Variants in PDE1B observed in about 807,000 individuals in gnomAD.
The protein encoded by PDE1B is dual specificity calcium/calmodulin-dependent 3',5'-cyclic nucleotide phosphodiesterase 1B.
In PDE1B, 13 loss-of-function variants were observed where a neutral mutation model predicts 66.7. The observed-to-expected ratio is 0.19, with a 90% CI of 0.13 to 0.31. PDE1B has a LOEUF of 0.31. PDE1B is among the 10% of genes least tolerant of loss of function. The pLI is 1.00. For synonymous variants in PDE1B, 230 were observed against 253.9 expected (o/e 0.91, Z 0.90); for missense variants, 485 against 682.3 (o/e 0.71, Z 3.22).
rs181035500 is a variant in PDE1B at position 54,564,526 on chromosome 12, C to T, written c.114-2448C>T. 4.3e-3 allele frequency among the ~76,000 whole-genome samples: 650 copies of T among 152,128 alleles called. 4 individuals carry two copies. Among genetic ancestry groups the T allele is most frequent in the African/African-American group, 0.014 (591 of 41,496 alleles). On this transcript the variant is annotated intron_variant, in intron 2 of 15. Coordinates refer to ENST00000243052, the MANE Select transcript of PDE1B (RefSeq NM_000924.4). ...GCACATGCCTGTAGTCCTAGCTACT[C>T]AGGAGGCTGAGGCAGGAGGACTGAT...
At chr12:54,553,278 A>C (rs1202867931) in intron 2 of PDE1B, among the ~76,000 whole-genome samples, 2 of 152,164 alleles carry the variant, frequency 1.3e-5, no homozygotes, top group African/African-American at 4.8e-5. Flanking sequence ...TTTTCCCAGG[A>C]TGGTACAAAC....
At chr12:54,563,276 C>T (rs981819001) in intron 2 of PDE1B, among the ~76,000 whole-genome samples, 1 of 152,172 alleles carries the variant, frequency 6.6e-6, no homozygotes, top group African/African-American at 2.4e-5. Flanking sequence ...TCCAGCCTCT[C>T]TCTAAGCTAA....
intron 2 of PDE1B, among the ~76,000 whole-genome samples, chr12:54,555,273 C>T (rs951403826): frequency 6.6e-6 from 1 of 152,182 alleles, no homozygotes; most frequent in Non-Finnish European, 1.5e-5. Flanking sequence ...TCCCTTCGGA[C>T]ATTTATCCCA....
At chr12:54,562,961 C>A (rs571050935) in intron 2 of PDE1B, among the ~76,000 whole-genome samples, 1 of 152,316 alleles carries the variant, frequency 6.6e-6, no homozygotes, top group Admixed American at 6.5e-5. Flanking sequence ...CGGAGGGAAA[C>A]CTGTGCTTGA....
At chr12:54,557,582 G>A (rs750662281) in intron 2 of PDE1B, among the ~76,000 whole-genome samples, 1 of 152,198 alleles carries the variant, frequency 6.6e-6, no homozygotes, top group Non-Finnish European at 1.5e-5. Context: ...TAAAATCGGG[G>A]CAGTGCTGGG....
At chr12:54,574,070 A>G (rs1330198360) in intron 10 of PDE1B, 1 of 240,212 alleles carries the variant, frequency 4.2e-6, no homozygotes, top group Non-Finnish European at 8.2e-6. Flanking sequence ...TACCTCTGAA[A>G]TGGTGAAAAT....
chr12:54,575,848 CT>C lies in PDE1B; in HGVS notation c.1268-143del. On this transcript the variant is annotated intron_variant, in intron 12 of 15. Transcript: ENST00000243052. The surrounding 1 kb of genome is among the most constrained non-coding windows in gnomAD (Gnocchi z 4.0). ...CCAAGACATCATCCCAAAGCCTGCC[CT>C]GCATTGGGAAGTTTTCAGCCCCAGG... 1.3e-6 allele frequency: 1 copy of C among 759,798 alleles called. No homozygotes were observed. 47.1% of individuals were successfully genotyped at this position (759,798 alleles called of 1,614,324 possible).
chr12:54,550,133 C>A, intron 2 of PDE1B, 148 bp downstream of exon 2: 1 of 1,444,312 alleles, frequency 6.9e-7, no homozygotes, highest in South Asian at 1.4e-5. Context: ...CCCTGACACG[C>A]GTGGCCAGGC....
chr12:54,561,761 CGTGTGTGTGT>C (rs3036634), intron 2 of PDE1B: 5 of 440,302 alleles, frequency 1.1e-5, no homozygotes, highest in Non-Finnish European at 2.0e-5. Flanking sequence ...ATGTTTTGTG[CGTGTGTGTGT>C]GTGTGTGTGT....
intron 2 of PDE1B, among the ~76,000 whole-genome samples, chr12:54,565,797 C>T (rs986327617): frequency 1.3e-5 from 2 of 152,154 alleles, no homozygotes; most frequent in Admixed American, 6.5e-5. Context: ...GCCGAGACCC[C>T]GGGATTCTAG....
intron 2 of PDE1B, among the ~76,000 whole-genome samples, chr12:54,551,183 C>T (rs984211952): frequency 1.3e-5 from 2 of 152,164 alleles, no homozygotes; most frequent in Admixed American, 1.3e-4. Context: ...TGGATAGATG[C>T]TTATGTTGTA....
At chr12:54,570,409 T>A (rs750662834) in intron 6 of PDE1B, 52 bp downstream of exon 6, 2 of 1,004,936 alleles carry the variant, frequency 2.0e-6, no homozygotes, top group African/African-American at 1.6e-5. Context: ...ACTCCTCTCA[T>A]GCCTGTTCTA....
At chr12:54,561,401 G>C (rs1235993448) in intron 2 of PDE1B, 49 of 1,223,400 alleles carry the variant, frequency 4.0e-5, no homozygotes, top group Non-Finnish European at 5.1e-5. Flanking sequence ...CTGGGTCTCT[G>C]CCTCCCCACT....
intron 2 of PDE1B, among the ~76,000 whole-genome samples, chr12:54,553,920 G>C (rs936667528): frequency 7.2e-5 from 11 of 152,296 alleles, no homozygotes; most frequent in African/African-American, 2.6e-4. Flanking sequence ...GGTAAAGGTT[G>C]ATATGTATGC....
Position 54,569,742 on chromosome 12 carries a change from A to G in PDE1B, c.477+130A>G. On this transcript the variant is annotated intron_variant, in intron 5 of 15. Coordinates refer to ENST00000243052, the MANE Select transcript of PDE1B (RefSeq NM_000924.4). The surrounding 1 kb of genome is among the most constrained non-coding windows in gnomAD (Gnocchi z 4.4). ...TTTGAAATGGAGTCTCGCTCTTGTC[A>G]CTCAGGCTGGAGTGCAGTGGCGTGA... 1.5e-6 allele frequency: 1 copy of G among 650,986 alleles called. No individual in the cohort carries two copies. Among genetic ancestry groups the G allele is most frequent in the Non-Finnish European group, 2.7e-6 (1 of 368,258 alleles). 40.3% of individuals were successfully genotyped at this position (650,986 alleles called of 1,614,324 possible).
chr12:54,568,886 G>A lies in PDE1B; in HGVS notation c.228-298G>A, dbSNP rs559280102. Among the ~76,000 whole-genome samples the A allele has an allele frequency of 2.0e-4, 30 of 152,164 alleles. No individual in the cohort carries two copies. The South Asian group carries it at 3.7e-3, about 19-fold the overall frequency. On this transcript the variant is annotated intron_variant, in intron 3 of 15. Transcript: ENST00000243052. ...AGACAATTTAAAATTTCATATATGC[G>A]GCTTGCATTTTATTTCTATTGGATG...
intron 2 of PDE1B, among the ~76,000 whole-genome samples, chr12:54,557,907 C>G (rs1029232903): frequency 6.6e-6 from 1 of 152,136 alleles, no homozygotes; most frequent in Non-Finnish European, 1.5e-5. Flanking sequence ...TTGCCTTCCT[C>G]TGACCTTCTC....
In PDE1B at chr12:54,575,229, A is replaced by G. The variant is rs776978083; in HGVS notation, c.1185+11A>G. 3 of 1,612,496 alleles carry G rather than the reference A, an allele frequency of 1.9e-6. No individual in the cohort carries two copies. Among genetic ancestry groups the G allele is most frequent in the East Asian group, 2.2e-5 (1 of 44,824 alleles). ...GAATTCTTCCGTCAGGTAGCGTGGC[A>G]TCTTTGCCTTCCCTGTGCCTATGGG... On this transcript the variant is annotated intron_variant, in intron 11 of 15. Transcript: ENST00000243052. The surrounding 1 kb of genome is among the most constrained non-coding windows in gnomAD (Gnocchi z 4.0).
chr12:54,550,300 A>G (rs1166599846), intron 2 of PDE1B: 12 of 1,134,060 alleles, frequency 1.1e-5, no homozygotes, highest in Non-Finnish European at 1.0e-5. Context: ...GCAGGAGGGC[A>G]GTAGAGGTGC....
Sources: allele counts gnomAD v4.1 joint callset (sites outside exome capture counted in the v4.1 genomes callset), GRCh38; gene constraint gnomAD v4.1.1; non-coding constraint Gnocchi (gnomAD v3.1); transcripts MANE v1.5; gene names NCBI Gene and HGNC (gene_info 2026-07-23, HGNC 2026-07-21).